Variants in CPS1 observed in about 807,000 individuals in gnomAD.
CPS1 encodes carbamoyl-phosphate synthase 1.
A neutral mutation model predicts 174.6 loss-of-function variants in CPS1; 109 were observed. That is an observed-to-expected ratio of 0.62 (90% CI 0.53 to 0.73). The LOEUF (loss-of-function observed/expected upper bound fraction) is 0.73, where lower values mean the gene tolerates loss of function less well. Ranked by LOEUF, CPS1 falls within the 30% of genes least tolerant of loss-of-function variation. The pLI, the probability that CPS1 is intolerant of heterozygous loss-of-function variation, is 0.00. For synonymous variants in CPS1, 637 were observed against 632.0 expected (o/e 1.01, Z -0.12); for missense variants, 1,689 against 1,821.9 (o/e 0.93, Z 1.33).
chr2:210,666,507 G>A (rs1409995506), intron 33 of CPS1, among the ~76,000 whole-genome samples: 2 of 152,108 alleles, frequency 1.3e-5, no homozygotes, highest in Non-Finnish European at 2.9e-5. Context: ...TTTTGTATAA[G>A]GTGTAAGGAA....
At chr2:210,505,059 C>G (rs137993892) in intron 1 of CPS1, among the ~76,000 whole-genome samples, 155 of 151,956 alleles carry the variant, frequency 1.0e-3, no homozygotes, top group Non-Finnish European at 1.7e-3. Context: ...AGGAGGCCAC[C>G]ACACACTCTG....
At chr2:210,663,866 A>G (rs1341044041) in intron 33 of CPS1, among the ~76,000 whole-genome samples, 1 of 152,142 alleles carries the variant, frequency 6.6e-6, no homozygotes, top group East Asian at 1.9e-4. Flanking sequence ...TGACAGACTT[A>G]CTAGATACAA....
intron 21 of CPS1, among the ~76,000 whole-genome samples, chr2:210,629,696 C>T (rs1699805656): frequency 6.6e-6 from 1 of 151,612 alleles, no homozygotes; most frequent in African/African-American, 2.4e-5. Context: ...TTGGTAAAGA[C>T]GAATGGTAAA....
At chr2:210,590,040 T>C (rs1172224783) in intron 7 of CPS1, 66 bp from the exon 8 acceptor site, 7 of 1,601,602 alleles carry the variant, frequency 4.4e-6, no homozygotes, top group Non-Finnish European at 6.0e-6. Flanking sequence ...AGAGAAAGTC[T>C]AGCAAAATTA....
chr2:210,554,231 ATATG>A (rs1696827037), upstream of CPS1, among the ~76,000 whole-genome samples: 1 of 147,512 alleles, frequency 6.8e-6, no homozygotes, highest in African/African-American at 2.5e-5. Context: ...ACACATATAT[ATATG>A]TATGTATATA....
At chr2:210,499,647 GT>G (rs1418559270) in intron 1 of CPS1, among the ~76,000 whole-genome samples, 2 of 152,190 alleles carry the variant, frequency 1.3e-5, no homozygotes, top group Non-Finnish European at 2.9e-5. Flanking sequence ...TTTTCCCTGT[GT>G]CTTTTCCTCT....
chr2:210,506,898 T>G (rs993850566), intron 1 of CPS1, among the ~76,000 whole-genome samples: 7 of 152,210 alleles, frequency 4.6e-5, no homozygotes, highest in South Asian at 4.1e-4. Context: ...AATCTATGTC[T>G]GATTGGTGTA....
chr2:210,608,800 T>C (rs897093707), intron 19 of CPS1, among the ~76,000 whole-genome samples: 7 of 151,914 alleles, frequency 4.6e-5, no homozygotes, highest in African/African-American at 1.7e-4. Context: ...GGTCTTCCTA[T>C]TCAAAAGGTG....
chr2:210,636,536 A>T (rs1700045501), intron 21 of CPS1, among the ~76,000 whole-genome samples: 1 of 152,100 alleles, frequency 6.6e-6, no homozygotes, highest in Non-Finnish European at 1.5e-5. Flanking sequence ...GTAATCTGGT[A>T]AATAAGCCAA....
chr2:210,566,984 A>C (rs1697325290), intron 1 of CPS1, among the ~76,000 whole-genome samples: 1 of 152,078 alleles, frequency 6.6e-6, no homozygotes, highest in South Asian at 2.1e-4. Flanking sequence ...TCAAATCCAA[A>C]TTCTCAACTT....
At chr2:210,534,496 G>A (rs747995918) in intron 1 of CPS1, among the ~76,000 whole-genome samples, 9 of 152,132 alleles carry the variant, frequency 5.9e-5, no homozygotes, top group Admixed American at 2.0e-4. Flanking sequence ...GGCAGTTATC[G>A]GCTGCAGTAT....
intron 1 of CPS1, among the ~76,000 whole-genome samples, chr2:210,484,677 C>T (rs541876246): frequency 3.9e-5 from 6 of 152,314 alleles, no homozygotes; most frequent in African/African-American, 1.4e-4. Flanking sequence ...AACTGACTAC[C>T]TGCTTTCTGT....
intron 25 of CPS1, among the ~76,000 whole-genome samples, chr2:210,643,979 A>G (rs1422761292): frequency 3.9e-5 from 6 of 152,154 alleles, no homozygotes; most frequent in African/African-American, 1.4e-4. Flanking sequence ...TAAAACTAGT[A>G]TCTGTGATAT....
chr2:210,640,062 AAAATAAT>A lies in CPS1; in HGVS notation c.2959+8_2959+14del, dbSNP rs765645129. On this transcript the variant is annotated splice_donor_5th_base_variant and intron_variant, in intron 24 of 37. Coordinates refer to ENST00000233072, the MANE Select transcript of CPS1 (RefSeq NM_001875.5). ...AGGCTGTGGTCCATATCACATTGGT[AAAATAAT>A]AAATTATGTGTATATAGGACTTTAC... 2.3e-4 allele frequency: 366 copies of A among 1,577,434 alleles called. 2 individuals are homozygous for A. Among genetic ancestry groups the A allele is most frequent in the South Asian group, 6.2e-4 (56 of 90,298 alleles).
intron 33 of CPS1, among the ~76,000 whole-genome samples, chr2:210,666,803 A>G (rs1162652214): frequency 3.3e-5 from 5 of 152,082 alleles, no homozygotes; most frequent in Non-Finnish European, 5.9e-5. Context: ...TTGACTTGGC[A>G]ATGCGGGCTC....
At chr2:210,589,866 TCTTGACTTCCTGGGCTC>T (rs1698227810) in intron 7 of CPS1, among the ~76,000 whole-genome samples, 3 of 151,886 alleles carry the variant, frequency 2.0e-5, no homozygotes, top group African/African-American at 7.3e-5. Context: ...CCCAGGCTAG[TCTTGACTTCCTGGGCTC>T]AAGCAATTCC....
intron 21 of CPS1, chr2:210,618,492 C>A (rs892062969): frequency 2.0e-5 from 3 of 152,076 alleles, no homozygotes; most frequent in Non-Finnish European, 2.9e-5. Context: ...CAAACCTAAA[C>A]CCTGAACTCA....
chr2:210,529,805 T>A (rs1393404058), intron 1 of CPS1, among the ~76,000 whole-genome samples: 2 of 151,998 alleles, frequency 1.3e-5, no homozygotes, highest in African/African-American at 4.8e-5. Context: ...TCATCTTAAC[T>A]GCATTTATTC....
intron 28 of CPS1, among the ~76,000 whole-genome samples, chr2:210,652,575 G>A (rs1055545687): frequency 2.1e-4 from 32 of 152,182 alleles, no homozygotes; most frequent in Admixed American, 1.2e-3. Flanking sequence ...GGATAACTGG[G>A]TAGACAGTGA....
Sources: gnomAD v4.1 joint callset for allele counts (sites outside exome capture counted in the v4.1 genomes callset) on GRCh38, gnomAD v4.1.1 for gene constraint, MANE v1.5 for transcripts, NCBI Gene and HGNC (gene_info 2026-07-23, HGNC 2026-07-21) for gene names.